FER1L6: variants seen among roughly 807,000 people sequenced by gnomAD.
FER1L6 encodes fer-1-like protein 6.
In FER1L6, 177 loss-of-function variants were observed where a neutral mutation model predicts 219.2. That is an observed-to-expected ratio of 0.81 (90% CI 0.71 to 0.91). FER1L6 has a LOEUF of 0.91. FER1L6 is among the 40% of genes least tolerant of loss of function. FER1L6 has a pLI of 0.00. For missense variants in FER1L6, 2,153 were observed against 2,259.9 expected (o/e 0.95, Z 0.96); for synonymous variants, 768 against 824.3 (o/e 0.93, Z 1.17).
intron 39 of FER1L6, among the ~76,000 whole-genome samples, chr8:124,104,832 G>A (rs753180561): frequency 1.1e-4 from 17 of 152,046 alleles, no homozygotes; most frequent in Non-Finnish European, 2.2e-4. Context: ...CATTTTCCAT[G>A]TCATTTACTT....
intron 30 of FER1L6, among the ~76,000 whole-genome samples, chr8:124,071,008 C>T (rs1356734508): frequency 6.6e-6 from 1 of 152,216 alleles, no homozygotes; most frequent in East Asian, 1.9e-4. Context: ...TATAAACATA[C>T]TACAAGCTGG....
chr8:123,921,252 G>A (rs960521176), intron 1 of FER1L6, among the ~76,000 whole-genome samples: 3 of 152,164 alleles, frequency 2.0e-5, no homozygotes, highest in Non-Finnish European at 4.4e-5. Context: ...AATTTTTTGA[G>A]TAACCGCCAT....
intron 1 of FER1L6, among the ~76,000 whole-genome samples, chr8:123,886,171 T>A (rs1156512468): frequency 6.6e-6 from 1 of 152,216 alleles, no homozygotes; most frequent in East Asian, 1.9e-4. Flanking sequence ...CTGATGTCTT[T>A]GAGGCCAAGA....
chr8:124,034,387 A>G (rs1456162512), intron 18 of FER1L6, among the ~76,000 whole-genome samples: 4 of 152,160 alleles, frequency 2.6e-5, no homozygotes, highest in African/African-American at 9.7e-5. Flanking sequence ...CACACTGCCT[A>G]CATTTTGTCT....
intron 19 of FER1L6, among the ~76,000 whole-genome samples, 179 bp from the exon 20 acceptor site, chr8:124,039,703 T>A (rs985606378): frequency 6.6e-6 from 1 of 152,122 alleles, no homozygotes; most frequent in African/African-American, 2.4e-5. Flanking sequence ...CCCATAAATA[T>A]CACCTCTTCC....
In FER1L6 at chr8:123,977,476, C is replaced by G. The variant is rs184670991; in HGVS notation, c.930C>G (p.Phe310Leu). Residue 310 changes from phenylalanine to leucine, a missense_variant, in exon 10 of 41, where the codon TTC becomes TTG. By Grantham distance (22) the Phe-to-Leu change is conservative. Coordinates refer to ENST00000522917, the MANE Select transcript of FER1L6 (RefSeq NM_001039112.2). ...CTGTGTGGCATGAACAGGTGATCTTCAAGGAAATGTTCCCTCCCTTGTGTC... is the reference window on the plus strand; with the variant it reads ...CTGTGTGGCATGAACAGGTGATCTTGAAGGAAATGTTCCCTCCCTTGTGTC... Reference protein sequence around the residue: ...ADPVWHEQVIFKEMFPPLCRR... With the variant: ...ADPVWHEQVILKEMFPPLCRR... 1 of 1,614,076 alleles carries G rather than the reference C, an allele frequency of 6.2e-7. No individual in the cohort carries two copies. The highest frequency in any genetic ancestry group is 2.2e-5 in the East Asian group (1 of 44,862).
intron 1 of FER1L6, among the ~76,000 whole-genome samples, chr8:123,919,993 A>T (rs1813311396): frequency 6.6e-6 from 1 of 152,226 alleles, no homozygotes; most frequent in African/African-American, 2.4e-5. Flanking sequence ...CCCCTGGCAC[A>T]TGTACACTGT....
chr8:124,015,607 A>ATATATGTATATATATATATATATATATG (rs1554632087), intron 15 of FER1L6, among the ~76,000 whole-genome samples: 3 of 88,604 alleles, frequency 3.4e-5, no homozygotes, highest in African/African-American at 1.3e-4. Flanking sequence ...ATATATATAT[A>ATATATGTATATATATATATATATATATG]TATATATATT....
At chr8:124,070,100 T>G (rs1190279886) in intron 29 of FER1L6, among the ~76,000 whole-genome samples, 1 of 152,202 alleles carries the variant, frequency 6.6e-6, no homozygotes, top group Non-Finnish European at 1.5e-5. Flanking sequence ...TTATATGTGT[T>G]CAGAATTAGA....
In FER1L6 at chr8:123,853,521, T is replaced by C. The variant is rs1245782221; in HGVS notation, c.-8+1336T>C. On this transcript the variant is annotated intron_variant, in intron 1 of 40. Coordinates refer to ENST00000522917, the MANE Select transcript of FER1L6 (RefSeq NM_001039112.2). The surrounding 1 kb of genome is among the most constrained non-coding windows in gnomAD (Gnocchi z 6.6). ...GGTCTTAATGAGGAAATGATACAGA[T>C]GATGATTTGGACCCAAGGCTGTTGA... Among the ~76,000 whole-genome samples, 1 of 152,198 alleles carries C rather than the reference T, an allele frequency of 6.6e-6. No homozygotes were observed. Among genetic ancestry groups the C allele is most frequent in the African/African-American group, 2.4e-5 (1 of 41,442 alleles).
At chr8:123,889,148 A>G (rs972830857) in intron 1 of FER1L6, among the ~76,000 whole-genome samples, 240 of 152,360 alleles carry the variant, frequency 1.6e-3, no homozygotes, top group African/African-American at 5.4e-3. Context: ...TTTTTGATAA[A>G]TAAGACTAAT....
chr8:123,964,615 A>G (rs1815452874), intron 3 of FER1L6, among the ~76,000 whole-genome samples: 1 of 152,150 alleles, frequency 6.6e-6, no homozygotes. Context: ...ATTTTTTAAT[A>G]CTCAAGATAT....
At chr8:123,976,132 T>C (rs1314613503) in intron 9 of FER1L6, 48 bp downstream of exon 9, 1 of 1,363,266 alleles carries the variant, frequency 7.3e-7, no homozygotes, top group Non-Finnish European at 1.0e-6. Flanking sequence ...AGGGCCCTGC[T>C]CTCTATCCAA....
In FER1L6 at chr8:124,082,384, G is replaced by A; in HGVS notation, c.4317G>A (p.Glu1439=). 4 of 1,614,106 alleles carry A rather than the reference G, an allele frequency of 2.5e-6. No individual in the cohort carries two copies. The East Asian group carries it at 6.7e-5, about 27-fold the overall frequency. ...DMIGTDDLIG[E]TKIDLENRFY... ...TTGGCACAGATGACCTTATTGGTGA[G>A]ACCAAGATCGACCTGGAGAACCGCT... Residue 1439 remains glutamate (E), a synonymous_variant, in exon 33 of 41, where the codon GAG becomes GAA. Transcript: ENST00000522917.
intron 1 of FER1L6, among the ~76,000 whole-genome samples, chr8:123,904,222 ATT>A (rs1171457260): frequency 1.5e-5 from 1 of 66,324 alleles, no homozygotes; most frequent in Non-Finnish European, 3.2e-5. Context: ...AACTCTGTAT[ATT>A]TGTGTGTGTG....
At chr8:123,888,292 G>T (rs1302993653) in intron 1 of FER1L6, among the ~76,000 whole-genome samples, 3 of 151,814 alleles carry the variant, frequency 2.0e-5, no homozygotes, top group Non-Finnish European at 4.4e-5. Flanking sequence ...GATTTTTGTA[G>T]TTTTAGTACA....
intron 1 of FER1L6, among the ~76,000 whole-genome samples, chr8:123,915,712 T>C (rs1813170602): frequency 1.3e-5 from 2 of 152,184 alleles, no homozygotes; most frequent in Admixed American, 1.3e-4. Context: ...AGCGATAAGT[T>C]CAGGATACTG....
At chr8:123,874,699 C>T (rs1169554861) in intron 1 of FER1L6, among the ~76,000 whole-genome samples, 1 of 152,176 alleles carries the variant, frequency 6.6e-6, no homozygotes, top group Non-Finnish European at 1.5e-5. Context: ...CTGTATTCTC[C>T]TCTGTATTCC....
intron 1 of FER1L6, among the ~76,000 whole-genome samples, chr8:123,903,124 T>C (rs6470203): frequency 0.58 from 88,779 of 151,970 alleles, 26,239 homozygotes; most frequent in South Asian, 0.75. Context: ...CCAATTTTAA[T>C]GTTTAACCCA....
Sources: allele counts gnomAD v4.1 joint callset (sites outside exome capture counted in the v4.1 genomes callset), GRCh38; gene constraint gnomAD v4.1.1; non-coding constraint Gnocchi (gnomAD v3.1); transcripts MANE v1.5; gene names NCBI Gene and HGNC (gene_info 2026-07-23, HGNC 2026-07-21).